Variants in STAC observed in about 807,000 individuals in gnomAD.
STAC encodes SH3 and cysteine-rich domain-containing protein.
In STAC, 43 loss-of-function variants were observed where a neutral mutation model predicts 48.8. That is an observed-to-expected ratio of 0.88 (90% CI 0.69 to 1.14). The LOEUF is 1.14. Ranked by LOEUF, STAC falls within the 50% of genes most tolerant of loss-of-function variation. STAC has a pLI of 0.00. For missense variants in STAC, 497 were observed against 504.0 expected (o/e 0.99, Z 0.13); for synonymous variants, 193 against 179.5 (o/e 1.07, Z -0.60).
chr3:36,390,535 A>G (rs1699732957), intron 1 of STAC, among the ~76,000 whole-genome samples: 1 of 132,612 alleles, frequency 7.5e-6, no homozygotes, highest in Non-Finnish European at 1.5e-5. Flanking sequence ...AACTCTTATT[A>G]CAGTCCTGGA....
At chr3:36,485,167 G>C (rs1013574845) in intron 4 of STAC, 109 bp downstream of exon 4, 3 of 830,476 alleles carry the variant, frequency 3.6e-6, no homozygotes, top group Non-Finnish European at 5.5e-6. Context: ...CTGTGTGTTT[G>C]TTTGGTGGCT....
chr3:36,541,793 G>T (rs1438476638), intron 10 of STAC, among the ~76,000 whole-genome samples: 1 of 152,152 alleles, frequency 6.6e-6, no homozygotes, highest in Non-Finnish European at 1.5e-5. Flanking sequence ...GGTATGTGCT[G>T]GGCTGGCTAG....
At chr3:36,417,063 C>T (rs1700335717) in intron 1 of STAC, among the ~76,000 whole-genome samples, 1 of 152,144 alleles carries the variant, frequency 6.6e-6, no homozygotes, top group Non-Finnish European at 1.5e-5. Flanking sequence ...ATCTGCCCCC[C>T]ATGGCACCAG....
intron 2 of STAC, among the ~76,000 whole-genome samples, chr3:36,474,989 C>T (rs1697451699): frequency 6.6e-6 from 1 of 152,012 alleles, no homozygotes; most frequent in African/African-American, 2.4e-5. Context: ...CATACAATGG[C>T]TTTTCTCGTG....
chr3:36,487,142 C>G (rs1697835635), intron 5 of STAC, among the ~76,000 whole-genome samples: 1 of 152,218 alleles, frequency 6.6e-6, no homozygotes, highest in African/African-American at 2.4e-5. Context: ...GAGGGGTTCT[C>G]AGAGACTGAG....
intron 2 of STAC, among the ~76,000 whole-genome samples, chr3:36,477,641 T>C (rs1697527472): frequency 6.6e-6 from 1 of 152,224 alleles, no homozygotes; most frequent in Non-Finnish European, 1.5e-5. Flanking sequence ...TGGTAAATGA[T>C]ACCACGCTCA....
chr3:36,494,830 C>T (rs1281799050), intron 6 of STAC, among the ~76,000 whole-genome samples: 1 of 152,252 alleles, frequency 6.6e-6, no homozygotes, highest in Non-Finnish European at 1.5e-5. Context: ...GTCAGCAGCA[C>T]AGCAGGGCCA....
intron 8 of STAC, among the ~76,000 whole-genome samples, chr3:36,528,411 G>A (rs953305336): frequency 4.6e-5 from 7 of 151,452 alleles, no homozygotes; most frequent in Non-Finnish European, 1.0e-4. Context: ...AGAGGTTGCA[G>A]TGAGCCAAGA....
intron 1 of STAC, among the ~76,000 whole-genome samples, chr3:36,402,039 C>G (rs187392784): frequency 3.3e-3 from 504 of 152,274 alleles, no homozygotes; most frequent in Admixed American, 7.8e-3. Flanking sequence ...GGTCACATGC[C>G]TGATATGTCT....
intron 2 of STAC, among the ~76,000 whole-genome samples, chr3:36,464,526 TG>T (rs781400834): frequency 6.6e-6 from 1 of 152,184 alleles, no homozygotes; most frequent in Non-Finnish European, 1.5e-5. Context: ...TCTGAGATTT[TG>T]GTGTACCTAT....
intron 8 of STAC, among the ~76,000 whole-genome samples, chr3:36,524,381 C>G (rs1268670318): frequency 6.6e-6 from 1 of 152,096 alleles, no homozygotes; most frequent in African/African-American, 2.4e-5. Context: ...ATCATGAGGT[C>G]AGGAGTTCGA....
chr3:36,516,169 A>G (rs761196527), intron 8 of STAC, among the ~76,000 whole-genome samples: 9 of 151,716 alleles, frequency 5.9e-5, no homozygotes, highest in Non-Finnish European at 1.3e-4. Flanking sequence ...TTTTTAGTAG[A>G]AACGGGGTTT....
intron 5 of STAC, among the ~76,000 whole-genome samples, chr3:36,492,005 GAAAAAAAAAAA>G (rs1178508885): frequency 1.6e-4 from 1 of 6,430 alleles, no homozygotes; most frequent in African/African-American, 5.5e-4. Flanking sequence ...TCCATCTCAA[GAAAAAAAAAAA>G]AAAAAAAAAA....
chr3:36,495,496 C>T (rs1490591356), intron 6 of STAC, among the ~76,000 whole-genome samples: 1 of 152,242 alleles, frequency 6.6e-6, no homozygotes, highest in Non-Finnish European at 1.5e-5. Flanking sequence ...AGCCCTGACT[C>T]CCTCTTCCTC....
At chr3:36,480,710 A>G (rs1398743619) in intron 2 of STAC, among the ~76,000 whole-genome samples, 1 of 152,250 alleles carries the variant, frequency 6.6e-6, no homozygotes, top group East Asian at 1.9e-4. Flanking sequence ...TAATACAAAT[A>G]GATCTTCAAG....
chr3:36,519,369 G>A (rs1698747886), intron 8 of STAC, among the ~76,000 whole-genome samples: 1 of 152,132 alleles, frequency 6.6e-6, no homozygotes, highest in East Asian at 1.9e-4. Context: ...TCTTTCTGGA[G>A]GTGAGGTAGG....
At chr3:36,429,976 T>C (rs904918985) in intron 1 of STAC, among the ~76,000 whole-genome samples, 1 of 151,988 alleles carries the variant, frequency 6.6e-6, no homozygotes, top group African/African-American at 2.4e-5. Context: ...GAAAGGGAGA[T>C]TAGCCTTGGT....
intron 10 of STAC, 76 bp from the exon 11 acceptor site, chr3:36,546,115 G>A (rs1699438068): frequency 1.9e-5 from 23 of 1,219,568 alleles, no homozygotes; most frequent in Non-Finnish European, 2.5e-5. Flanking sequence ...CAGTCAGCAG[G>A]GATTCAAGCT....
At chr3:36,512,089 T>A (rs1002320405) in intron 8 of STAC, among the ~76,000 whole-genome samples, 8 of 152,178 alleles carry the variant, frequency 5.3e-5, no homozygotes, top group African/African-American at 1.7e-4. Context: ...TTTGGGGGCC[T>A]GAGTCCTGGC....
Sources: allele counts gnomAD v4.1 joint callset (sites outside exome capture counted in the v4.1 genomes callset), GRCh38; gene constraint gnomAD v4.1.1; transcripts MANE v1.5; gene names NCBI Gene and HGNC (gene_info 2026-07-23, HGNC 2026-07-21).